The following PRP4K variants were observed in gnomAD, a reference collection of about 807,000 sequenced individuals.
PRP4K encodes the protein pre-mRNA processing factor kinase PRP4K, also known as serine/threonine-protein kinase PRP4 homolog.
At chr6:4,032,316 G>C in the PRP4K span, 2 of 1,613,554 alleles carry the variant, frequency 1.2e-6, no homozygotes, top group Non-Finnish European at 1.7e-6. Context: ...TAAAATTGAA[G>C]ATAAAAGTAA....
chr6:4,057,075 C>A, the PRP4K span: 1 of 1,608,086 alleles, frequency 6.2e-7, no homozygotes, highest in South Asian at 1.1e-5. Flanking sequence ...GATATGTGGT[C>A]TGTAGGTTGC....
chr6:4,043,112 T>G, the PRP4K span, among the ~76,000 whole-genome samples: 2 of 152,192 alleles, frequency 1.3e-5, no homozygotes, highest in African/African-American at 2.4e-5. Context: ...TGGAAGGTTG[T>G]CAGCTCTTCC....
the PRP4K span, among the ~76,000 whole-genome samples, chr6:4,030,218 C>G: frequency 2.0e-5 from 3 of 152,222 alleles, no homozygotes; most frequent in Non-Finnish European, 4.4e-5. Flanking sequence ...GCTGGGATTA[C>G]AGACGTGAGC....
the PRP4K span, among the ~76,000 whole-genome samples, chr6:4,048,430 T>G: frequency 2.0e-5 from 3 of 152,040 alleles, no homozygotes; most frequent in African/African-American, 7.2e-5. Flanking sequence ...TTCTTATTTT[T>G]CAATTTTCCA....
At chr6:4,049,671 T>C in the PRP4K span, 7 of 1,500,000 alleles carry the variant, frequency 4.7e-6, no homozygotes, top group South Asian at 8.3e-5. Context: ...GCACTGTGTT[T>C]CCTACTTTCT....
chr6:4,037,677 T>A, the PRP4K span: 1 of 1,094,448 alleles, frequency 9.1e-7, no homozygotes, highest in Non-Finnish European at 1.3e-6. Flanking sequence ...TGAAAAATCG[T>A]AGTTGTGTTC....
chr6:4,047,268 G>C, the PRP4K span: 4 of 1,570,580 alleles, frequency 2.5e-6, no homozygotes, highest in African/African-American at 2.7e-5. Flanking sequence ...TTTAAATCAA[G>C]TGTTAAAACA....
chr6:4,047,275 A>G, the PRP4K span: 2 of 1,547,200 alleles, frequency 1.3e-6, no homozygotes, highest in Non-Finnish European at 1.8e-6. Flanking sequence ...CAAGTGTTAA[A>G]ACAAAAAAAA....
At chr6:4,029,969 G>T in the PRP4K span, among the ~76,000 whole-genome samples, 2 of 148,136 alleles carry the variant, frequency 1.4e-5, no homozygotes, top group Admixed American at 1.4e-4. Flanking sequence ...TTGAGACTGC[G>T]TCACACTGTG....
chr6:4,056,761 AC>A, the PRP4K span: 45 of 1,443,418 alleles, frequency 3.1e-5, no homozygotes, highest in Non-Finnish European at 4.2e-5. Flanking sequence ...GCTGATTAGC[AC>A]CTCCACCAAA....
chr6:4,038,343 G>T, the PRP4K span, among the ~76,000 whole-genome samples: 1 of 151,772 alleles, frequency 6.6e-6, no homozygotes, highest in South Asian at 2.1e-4. Context: ...CCACGCTGGA[G>T]TGCAATGGCG....
the PRP4K span, chr6:4,032,043 A>C: frequency 6.2e-7 from 1 of 1,613,976 alleles, no homozygotes; most frequent in African/African-American, 1.3e-5. Flanking sequence ...ACTTGTGGAC[A>C]ATAAAATTAC....
chr6:4,024,426 T>TA, the PRP4K span, among the ~76,000 whole-genome samples: 370 of 151,530 alleles, frequency 2.4e-3, 1 homozygote, highest in African/African-American at 8.5e-3. Context: ...TGCTCGCCAC[T>TA]AAAAAAAAAT....
At chr6:4,038,571 G>A in the PRP4K span, among the ~76,000 whole-genome samples, 2 of 151,854 alleles carry the variant, frequency 1.3e-5, no homozygotes, top group African/African-American at 4.8e-5. Flanking sequence ...CCACAATGAG[G>A]GTTTTTAATA....
the PRP4K span, chr6:4,051,954 TAG>T: frequency 6.5e-7 from 1 of 1,530,422 alleles, no homozygotes; most frequent in Non-Finnish European, 8.8e-7. Flanking sequence ...TTTTTTATTT[TAG>T]GCAAAAGACT....
chr6:4,054,295 T>C, the PRP4K span, among the ~76,000 whole-genome samples: 5 of 152,202 alleles, frequency 3.3e-5, no homozygotes, highest in African/African-American at 1.2e-4. Context: ...TTTCTTTTTC[T>C]TTTTTGTTAA....
the PRP4K span, among the ~76,000 whole-genome samples, chr6:4,035,766 G>A: frequency 6.6e-6 from 1 of 152,072 alleles, no homozygotes. Context: ...TCAGGAGTTC[G>A]AGACTAGCTT....
chr6:4,023,549 T>C, the PRP4K span, among the ~76,000 whole-genome samples: 19 of 152,288 alleles, frequency 1.2e-4, no homozygotes, highest in East Asian at 2.1e-3. Flanking sequence ...TTATTTTTGT[T>C]TTTTTCCACT....
chr6:4,060,316 G>A, the PRP4K span: 2 of 1,146,096 alleles, frequency 1.7e-6, no homozygotes, highest in Non-Finnish European at 2.5e-6. This position sits in a 1 kb window ranked among gnomAD's most constrained non-coding sequence, Gnocchi z 4.7. Context: ...GTATATGCAT[G>A]TTTTTAATAT....
Sources: gnomAD v4.1 joint callset for allele counts (sites outside exome capture counted in the v4.1 genomes callset) on GRCh38, gnomAD v4.1.1 for gene constraint, Gnocchi (gnomAD v3.1) non-coding constraint, MANE v1.5 for transcripts, NCBI Gene and HGNC (gene_info 2026-07-23, HGNC 2026-07-21) for gene names.